Variants in PARD3 observed in about 807,000 individuals in gnomAD.
The protein encoded by PARD3 is par-3 family cell polarity regulator.
Under a neutral mutation model 155.4 loss-of-function variants are expected in PARD3, and 75 were observed. That is an observed-to-expected ratio of 0.48 (90% CI 0.40 to 0.58). The LOEUF (loss-of-function observed/expected upper bound fraction) is 0.58, where lower values mean the gene tolerates loss of function less well. Among genes scored for constraint, PARD3 ranks in the 20% least tolerant of loss-of-function variants. The probability of loss-of-function intolerance (pLI) is 0.00; values close to 1 mark genes in which losing one functional copy is unlikely to be tolerated. For synonymous variants in PARD3, 576 were observed against 610.5 expected, an observed-to-expected ratio of 0.94 and a Z score of 0.83; for missense variants, 1,642 against 1,721.7, an observed-to-expected ratio of 0.95 and a Z score of 0.82.
intron 1 of PARD3, among the ~76,000 whole-genome samples, chr10:34,763,799 T>C (rs1837759970): frequency 6.6e-6 from 1 of 152,204 alleles, no homozygotes; most frequent in South Asian, 2.1e-4. Context: ...ACAACACAGA[T>C]TATGTGATTT....
At chr10:34,702,351 T>C (rs990654563) in intron 1 of PARD3, among the ~76,000 whole-genome samples, 7 of 151,626 alleles carry the variant, frequency 4.6e-5, no homozygotes, top group African/African-American at 1.7e-4. Flanking sequence ...AGACCGTGTC[T>C]CAGAAAAAAT....
In PARD3 at chr10:34,633,179, T is replaced by C. The variant is rs149803874; in HGVS notation, c.222+63139A>G. ...TTCAACATTTTTTATGATGAGAACATATGAAATTTACTCTCAGCAGTATTA... is the reference window on the plus strand; with the variant it reads ...TTCAACATTTTTTATGATGAGAACACATGAAATTTACTCTCAGCAGTATTA... On this transcript the variant is annotated intron_variant, in intron 2 of 24. Transcript: ENST00000374788. Among the ~76,000 whole-genome samples, 8 of 152,282 alleles carry C rather than the reference T, an allele frequency of 5.3e-5. No individual in the cohort carries two copies. In the East Asian group the frequency reaches 1.5e-3, roughly 29 times the overall value.
At chr10:34,313,640 C>G (rs1171429769) in intron 20 of PARD3, among the ~76,000 whole-genome samples, 1 of 152,222 alleles carries the variant, frequency 6.6e-6, no homozygotes, top group African/African-American at 2.4e-5. Context: ...ACTCAAGGTA[C>G]CATCATTTCC....
rs1378742293 is a variant in PARD3, at chr10:34,535,684, C to T, written c.223-18525G>A. On this transcript the variant is annotated intron_variant, in intron 2 of 24. Transcript: ENST00000374788. Reference sequence around the variant, plus strand: ...AGAGACAGGGTTTCACCATGTTGGCCAGGCTGGTCTTCAACTCCTGACATC... The same window carrying T: ...AGAGACAGGGTTTCACCATGTTGGCTAGGCTGGTCTTCAACTCCTGACATC... 3.3e-5 allele frequency among the ~76,000 whole-genome samples: 5 copies of T among 152,084 alleles called. No individual in the cohort carries two copies. In the East Asian group the frequency reaches 9.7e-4, roughly 29 times the overall value.
Position 34,227,856 on chromosome 10 carries a change from T to TTATATATATA in PARD3, c.3419+41791_3419+41800dup, listed in dbSNP as rs55681930. ...TATTCCCAGTAATGGGAATTATTTT[T>TTATATATATA]TATATATATATATATATATATATAT... is the stretch of plus-strand genomic sequence containing the variant. On this transcript the variant is annotated intron_variant, in intron 22 of 24. Transcript: ENST00000374788. 2.4e-3 allele frequency among the ~76,000 whole-genome samples: 200 copies of TTATATATATA among 82,158 alleles called. 10 individuals are homozygous for TTATATATATA. Among genetic ancestry groups the TTATATATATA allele is most frequent in the South Asian group, 5.0e-3 (16 of 3,216 alleles). The allele number at this position is 82,158 out of a possible 152,430, so 53.9% of individuals were successfully genotyped here.
intron 22 of PARD3, among the ~76,000 whole-genome samples, chr10:34,153,625 C>T (rs1948874133): frequency 6.6e-6 from 1 of 152,180 alleles, no homozygotes; most frequent in South Asian, 2.1e-4. Flanking sequence ...CACACTGTAT[C>T]TTTTATCAGT....
chr10:34,814,736 G>C (rs1844688658), intron 1 of PARD3, 140 bp downstream of exon 1: 3 of 684,684 alleles, frequency 4.4e-6, no homozygotes, highest in Admixed American at 3.8e-5. Context: ...GGGGCGGGGG[G>C]CGCCCGCGAG....
chr10:34,374,805 TCAGGCAACTAACC>T, intron 11 of PARD3, 56 bp downstream of exon 11: 1 of 1,446,750 alleles, frequency 6.9e-7, no homozygotes, highest in Non-Finnish European at 9.5e-7. Flanking sequence ...ACATTTGCCA[TCAGGCAACTAACC>T]CAGACCCCTG....
At chr10:34,319,320 C>T (rs1958230976) in intron 19 of PARD3, among the ~76,000 whole-genome samples, 1 of 151,062 alleles carries the variant, frequency 6.6e-6, no homozygotes, top group African/African-American at 2.4e-5. Context: ...ATCTCTTGAC[C>T]TCATGATCCA....
chr10:34,638,833 T>C (rs898835001), intron 2 of PARD3, among the ~76,000 whole-genome samples: 1 of 152,236 alleles, frequency 6.6e-6, no homozygotes, highest in Non-Finnish European at 1.5e-5. Context: ...CAGTTCTAAA[T>C]TGAGTTCAAT....
intron 1 of PARD3, among the ~76,000 whole-genome samples, chr10:34,777,883 G>C (rs936415136): frequency 3.3e-5 from 5 of 152,022 alleles, no homozygotes; most frequent in African/African-American, 1.2e-4. Context: ...GGTGAGTCTA[G>C]GAAAGAGACC....
At chr10:34,605,903 ATATATATATCTCCTATATATATATCTCC>A (rs2090344745) in intron 2 of PARD3, among the ~76,000 whole-genome samples, 3 of 104,658 alleles carry the variant, frequency 2.9e-5, no homozygotes, top group African/African-American at 7.4e-5. Context: ...TATATCTCCT[ATATATATATCTCCTATATATATATCTCC>A]TATATATATA....
chr10:34,769,789 A>C (rs1276815396), intron 1 of PARD3, among the ~76,000 whole-genome samples: 1 of 34,222 alleles, frequency 2.9e-5, no homozygotes, highest in African/African-American at 1.0e-4. Flanking sequence ...CAAACAAACG[A>C]ACAAAAAAAC....
intron 1 of PARD3, among the ~76,000 whole-genome samples, chr10:34,814,523 C>A (rs1421030540): frequency 6.6e-6 from 1 of 152,096 alleles, no homozygotes; most frequent in Non-Finnish European, 1.5e-5. Context: ...CCTGCGCCCC[C>A]CGCGCGCTGG....
At chr10:34,227,548 G>GAAGC (rs1952660467) in intron 22 of PARD3, among the ~76,000 whole-genome samples, 1 of 152,210 alleles carries the variant, frequency 6.6e-6, no homozygotes, top group Non-Finnish European at 1.5e-5. Flanking sequence ...TGAGGCAAGA[G>GAAGC]AAGCGCTTGA....
At chr10:34,806,804 A>G (rs1318754829) in intron 1 of PARD3, among the ~76,000 whole-genome samples, 2 of 152,146 alleles carry the variant, frequency 1.3e-5, no homozygotes, top group Non-Finnish European at 2.9e-5. Flanking sequence ...ACTGCACATC[A>G]CTTATGGTCC....
chr10:34,701,870 A>G (rs1178692949), intron 1 of PARD3, among the ~76,000 whole-genome samples: 3 of 152,114 alleles, frequency 2.0e-5, no homozygotes, highest in South Asian at 4.1e-4. Context: ...ATATAATAAT[A>G]AAACAATTTT....
At chr10:34,321,874 T>C (rs1273703272) in intron 19 of PARD3, among the ~76,000 whole-genome samples, 1 of 152,200 alleles carries the variant, frequency 6.6e-6, no homozygotes, top group African/African-American at 2.4e-5. Context: ...CTGCAGCTAC[T>C]GCCATAAATA....
chr10:34,246,012 G>A (rs1170968238), intron 22 of PARD3, among the ~76,000 whole-genome samples: 2 of 152,214 alleles, frequency 1.3e-5, no homozygotes, highest in African/African-American at 4.8e-5. Flanking sequence ...CCAAAAGGTG[G>A]GGATCAGCAG....
Sources: allele counts gnomAD v4.1 joint callset (sites outside exome capture counted in the v4.1 genomes callset), GRCh38; gene constraint gnomAD v4.1.1; transcripts MANE v1.5; gene names NCBI Gene and HGNC (gene_info 2026-07-23, HGNC 2026-07-21).